Variants in MLST8 observed in about 807,000 individuals in gnomAD.
MLST8 encodes target of rapamycin complex subunit LST8.
A neutral mutation model predicts 41.3 loss-of-function variants in MLST8; 20 were observed. The ratio of observed to expected loss-of-function variants is 0.48; its 90% confidence interval spans 0.34 to 0.70. The LOEUF (loss-of-function observed/expected upper bound fraction) is 0.70. MLST8 is among the 30% of genes least tolerant of loss of function. The pLI is 0.01. For missense variants in MLST8, 422 were observed against 454.3 expected (o/e 0.93, Z 0.65); for synonymous variants, 243 against 183.0 (o/e 1.33, Z -2.65).
chr16:2,205,656 T>C (rs1596706381), intron 1 of MLST8, 144 bp downstream of exon 1: 3 of 986,622 alleles, frequency 3.0e-6, no homozygotes, highest in Non-Finnish European at 3.6e-6. Context: ...CTGCGCCCTT[T>C]CCCATCAGGG....
At chr16:2,207,452 C>G (rs1000516908) in intron 6 of MLST8, 107 bp downstream of exon 6, 4 of 1,419,456 alleles carry the variant, frequency 2.8e-6, no homozygotes, top group Non-Finnish European at 3.8e-6. Flanking sequence ...CTCCTGCTTT[C>G]CCCATCCCGG....
Position 2,206,627 on chromosome 16 carries a change from C to G in MLST8, c.312C>G (p.Gly104=). 6 of 1,613,208 alleles carry G rather than the reference C, an allele frequency of 3.7e-6. No homozygotes were observed. Among genetic ancestry groups the G allele is most frequent in the Admixed American group, 1.7e-5 (1 of 59,966 alleles). Residue 104 remains glycine, a synonymous_variant, in exon 4 of 9, where the codon GGC becomes GGG. Coordinates refer to ENST00000569417, the MANE Select transcript of MLST8 (RefSeq NM_022372.6). ...ACGGCCGCTGGATGTACACGGGCGG[C>G]GAGGACTGCACAGCCAGGATCTGGG... ...HEDGRWMYTG[G]EDCTARIWDL...
rs2093358384 is a variant in MLST8 at position 2,209,299 on chromosome 16, G to T, written c.*422G>T. On this transcript the variant is annotated 3_prime_UTR_variant, in exon 9 of 9. Transcript: ENST00000569417. ...GTCCCTGCCAGCAGCTGTCCTCCCT[G>T]GTGCAGGTGGCCTGGCCAGCCCACT... The T allele has an allele frequency of 2.8e-6, 4 of 1,434,548 alleles. No homozygotes were observed. The highest frequency in any genetic ancestry group is 1.2e-5 in the South Asian group (1 of 82,708). The allele number at this position is 1,434,548 out of a possible 1,614,324, so 88.9% of individuals were successfully genotyped here.
Position 2,207,339 on chromosome 16 carries a change from T to C in MLST8, c.567T>C (p.Asn189=). Residue 189 remains asparagine, a synonymous_variant, in exon 6 of 9, where the codon AAT becomes AAC. Coordinates refer to ENST00000569417, the MANE Select transcript of MLST8 (RefSeq NM_022372.6). ...DPDASYMAAV[N]STGNCYVWNL... Reference sequence around the variant, plus strand: ...ACGCCAGCTACATGGCAGCTGTCAATAGCACCGTGAGTCCTGGTGGCAGGT... The same window carrying C: ...ACGCCAGCTACATGGCAGCTGTCAACAGCACCGTGAGTCCTGGTGGCAGGT... 1 of 1,613,930 alleles carries C rather than the reference T, an allele frequency of 6.2e-7. No homozygotes were observed. Among genetic ancestry groups the C allele is most frequent in the African/African-American group, 1.3e-5 (1 of 75,044 alleles).
At chr16:2,205,943 G>A (rs2093277176) in intron 1 of MLST8, 88 bp from the exon 2 acceptor site, 1 of 1,452,850 alleles carries the variant, frequency 6.9e-7, no homozygotes, top group Non-Finnish European at 9.1e-7. Flanking sequence ...AAATGGGAAT[G>A]ATAAGCGCCA....
intron 6 of MLST8, chr16:2,207,999 G>T: frequency 2.1e-6 from 1 of 487,794 alleles, no homozygotes; most frequent in South Asian, 3.4e-5. Context: ...TTGGCCAGGC[G>T]TGGCCTCCTG....
rs1399446360 is a variant in MLST8, at chr16:2,207,798, C to T, written c.574-412C>T. On this transcript the variant is annotated intron_variant, in intron 6 of 8. Coordinates refer to ENST00000569417, the MANE Select transcript of MLST8 (RefSeq NM_022372.6). The stretch of plus-strand genomic sequence containing the variant: ...TGGCCTCGCCCGTAGGCTGCTGTGG[C>T]GTGGCCCCTGCTCTTCTCTCCAGCC... 6 of 231,476 alleles carry T rather than the reference C, an allele frequency of 2.6e-5. No individual in the cohort carries two copies. In the East Asian group the frequency reaches 3.4e-4, roughly 13 times the overall value. 14.3% of individuals were successfully genotyped at this position (231,476 alleles called of 1,614,324 possible).
In MLST8 at chr16:2,208,723, C is replaced by T. The variant is rs745829421; in HGVS notation, c.863-36C>T. 13 of 1,613,584 alleles carry T rather than the reference C, an allele frequency of 8.1e-6. No homozygotes were observed. The African/African-American group carries it at 1.1e-4, about 13-fold the overall frequency. On this transcript the variant is annotated intron_variant, in intron 8 of 8. Coordinates refer to ENST00000569417, the MANE Select transcript of MLST8 (RefSeq NM_022372.6). ...GCTGGGGCCGCCTGCTTGGCCTGCA[C>T]CTGCGCTCTTAGCCCTGCACAATCT...
rs778004882 is a variant in MLST8, at chr16:2,206,308, G to A, written c.130-50G>A. ...GAAGGCCAGATGGTGGAGGCCTGGG[G>A]GGCCCTGGCCTCAGGGCTACCTTCC... On this transcript the variant is annotated intron_variant, in intron 2 of 8. Coordinates refer to ENST00000569417, the MANE Select transcript of MLST8 (RefSeq NM_022372.6). The A allele has an allele frequency of 5.6e-6, 9 of 1,608,068 alleles. No homozygotes were observed. In the African/African-American group the frequency reaches 9.3e-5, roughly 17 times the overall value.
At chr16:2,205,894 G>A (rs754738414) in intron 1 of MLST8, 137 bp from the exon 2 acceptor site, 83 of 1,400,452 alleles carry the variant, frequency 5.9e-5, no homozygotes, top group Non-Finnish European at 7.5e-5. Flanking sequence ...CGTGTGACGC[G>A]TGTCCCTGAA....
intron 1 of MLST8, 147 bp from the exon 2 acceptor site, chr16:2,205,884 C>G (rs767697322): frequency 7.2e-7 from 1 of 1,389,364 alleles, no homozygotes; most frequent in Admixed American, 2.7e-5. Flanking sequence ...AGGTATCACG[C>G]GTGTGACGCG....
chr16:2,207,694 T>G (rs1172388336), intron 6 of MLST8: 3 of 345,462 alleles, frequency 8.7e-6, no homozygotes, highest in Non-Finnish European at 1.6e-5. Context: ...CCCTGACACG[T>G]TCTCTCTTGG....
At position 2,205,696 on chromosome 16, in the gene MLST8, C is replaced by T. The variant is rs140526028; in HGVS notation, c.-56+184C>T. The T allele has an allele frequency of 4.1e-3, 4,045 of 994,180 alleles. 14 individuals are homozygous for T. Among genetic ancestry groups the T allele is most frequent in the Non-Finnish European group, 4.5e-3 (3,799 of 835,818 alleles). The allele number at this position is 994,180 out of a possible 1,614,324, so 61.6% of individuals were successfully genotyped here. ...CCGCTGGCCTGCTACGCATGCGCAG[C>T]CGCAGCGCTCGGCTTTCCCCGGCCC... On this transcript the variant is annotated intron_variant, in intron 1 of 8. Coordinates refer to ENST00000569417, the MANE Select transcript of MLST8 (RefSeq NM_022372.6).
chr16:2,208,489 C>A lies in MLST8; in HGVS notation c.738C>A (p.Ile246=). 1 of 1,613,366 alleles carries A rather than the reference C, an allele frequency of 6.2e-7. No homozygotes were observed. The highest frequency in any genetic ancestry group is 8.5e-7 in the Non-Finnish European group (1 of 1,179,930). Residue 246 remains isoleucine, a synonymous_variant, in exon 8 of 9, where the codon ATC becomes ATA. Transcript: ENST00000569417. Reference sequence around the variant, plus strand: ...GCTCGGCTGATCAGACGTGCAAGATCTGGAGGACGTCCAACTTCTCCCTGA... The same window carrying A: ...GCTCGGCTGATCAGACGTGCAAGATATGGAGGACGTCCAACTTCTCCCTGA... The part of the protein sequence containing the change: ...ATCSADQTCK[I]WRTSNFSLMT...
At chr16:2,206,756 G>A in intron 4 of MLST8, 97 bp downstream of exon 4, 1 of 1,415,964 alleles carries the variant, frequency 7.1e-7, no homozygotes, top group Non-Finnish European at 9.8e-7. Flanking sequence ...CTGAGACAGG[G>A]AGCTTCCTGT....
chr16:2,207,564 C>A, intron 6 of MLST8: 1 of 580,912 alleles, frequency 1.7e-6, no homozygotes. Flanking sequence ...GGAGTCTCTC[C>A]CAAGTCGATC....
At position 2,205,819 on chromosome 16, in the gene MLST8, C is replaced by T. The variant is rs368852122; in HGVS notation, c.-55-212C>T. ...CTGCGGAGGTGGGGGGGGGACGGCG[C>T]CCCCGCCGTGTGCGTGGGGCGGGGA... On this transcript the variant is annotated intron_variant, in intron 1 of 8. Coordinates refer to ENST00000569417, the MANE Select transcript of MLST8 (RefSeq NM_022372.6). 847 of 1,152,236 alleles carry T rather than the reference C, an allele frequency of 7.4e-4. 15 individuals are homozygous for T. In the African/African-American group the frequency reaches 0.012, roughly 17 times the overall value. 71.4% of individuals were successfully genotyped at this position (1,152,236 alleles called of 1,614,324 possible). A position where few individuals can be genotyped will look rare whatever the true frequency, so the allele number is the denominator to read the frequency against.
intron 3 of MLST8, 24 bp from the exon 4 acceptor site, chr16:2,206,473 C>G (rs1453853974): frequency 1.1e-5 from 17 of 1,612,000 alleles, no homozygotes; most frequent in Non-Finnish European, 1.4e-5. Context: ...CACAGCCAAG[C>G]TTCAGTTCAG....
chr16:2,206,860 C>T, intron 4 of MLST8, 175 bp from the exon 5 acceptor site: 1 of 1,050,352 alleles, frequency 9.5e-7, no homozygotes, highest in South Asian at 1.3e-5. Flanking sequence ...TGTTATTCCC[C>T]TTCCACCAGC....
Sources: gnomAD v4.1 joint callset for allele counts on GRCh38, gnomAD v4.1.1 for gene constraint, MANE v1.5 for transcripts, NCBI Gene and HGNC (gene_info 2026-07-23, HGNC 2026-07-21) for gene names.